Variants in PCDHGB5 observed in about 807,000 individuals in gnomAD.
The protein encoded by PCDHGB5 is protocadherin gamma-B5.
Under a neutral mutation model 62.9 loss-of-function variants are expected in PCDHGB5, and 48 were observed. That is an observed-to-expected ratio of 0.76 (90% CI 0.61 to 0.97). PCDHGB5 has a LOEUF of 0.97. Ranked by LOEUF, PCDHGB5 falls within the 50% of genes least tolerant of loss-of-function variation. The pLI is 0.00. For missense variants in PCDHGB5, 1,118 were observed against 1,198.6 expected, an observed-to-expected ratio of 0.93 and a Z score of 0.99; for synonymous variants, 474 against 511.2, an observed-to-expected ratio of 0.93 and a Z score of 0.98.
At chr5:141,504,980 G>A (rs113323355) in intron 2 of PCDHGB5, among the ~76,000 whole-genome samples, 174 of 152,196 alleles carry the variant, frequency 1.1e-3, no homozygotes, top group African/African-American at 3.9e-3. Context: ...TGGCCAACAT[G>A]GTGAAACCCC....
intron 1 of PCDHGB5, chr5:141,427,703 C>T (rs529490424): frequency 1.0e-6 from 1 of 957,508 alleles, no homozygotes. Flanking sequence ...CACAAGTCAG[C>T]GCCTCTGACC....
chr5:141,506,380 T>C (rs1209879935), intron 3 of PCDHGB5, among the ~76,000 whole-genome samples: 1 of 141,314 alleles, frequency 7.1e-6, no homozygotes, highest in Non-Finnish European at 1.5e-5. Flanking sequence ...ACCTGGGAGG[T>C]GGCTGTGGTG....
chr5:141,405,444 G>A, intron 1 of PCDHGB5: 1 of 1,379,466 alleles, frequency 7.2e-7, no homozygotes, highest in South Asian at 1.3e-5. Flanking sequence ...TTTTGAGACA[G>A]AGTCTTACTC....
chr5:141,422,541 T>C (rs1389095817), intron 1 of PCDHGB5: 1 of 1,613,992 alleles, frequency 6.2e-7, no homozygotes. Context: ...CAGAAACTCA[T>C]GTCTGGCTGA....
rs748464990 is a variant in PCDHGB5, at chr5:141,400,483, C to G, written c.2356C>G (p.Pro786Ala). The change falls in exon 1 of 4, where the codon CCA becomes GCA. Residue 786 changes from proline (P) to alanine (A), a missense_variant. This residue lies in a region of PCDHGB5 where 1,034 missense variants were observed against 1,029.1 expected (regional missense o/e 1.00). Coordinates refer to ENST00000617380, the MANE Select transcript of PCDHGB5 (RefSeq NM_018925.3). ...LCGDSSGALF[P>A]LCNSSESTSH... ...TGGTGATTCATCTGGGGCCTTATTT[C>G]CACTTTGTAATTCCAGCGAGTCGAC... The G allele has an allele frequency of 1.4e-5, 22 of 1,613,902 alleles. No homozygotes were observed. Among genetic ancestry groups the G allele is most frequent in the Non-Finnish European group, 1.7e-5 (20 of 1,179,872 alleles).
intron 2 of PCDHGB5, among the ~76,000 whole-genome samples, chr5:141,500,892 G>GAT (rs1036007799): frequency 1.1e-5 from 1 of 88,010 alleles, no homozygotes; most frequent in African/African-American, 7.1e-5. Flanking sequence ...TTTTTTTTGA[G>GAT]ACAGTCTCGC....
In PCDHGB5 at chr5:141,398,254, A is replaced by G. The variant is rs868152545; in HGVS notation, c.127A>G (p.Lys43Glu). 5.5e-6 allele frequency: 8 copies of G among 1,465,970 alleles called. No homozygotes were observed. In the African/African-American group the frequency reaches 8.6e-5, roughly 16 times the overall value. The allele number at this position is 1,465,970 out of a possible 1,614,324, so 90.8% of individuals were successfully genotyped here. The change falls in exon 1 of 4, where the codon AAG (lysine) becomes GAG (glutamate). Residue 43 changes from lysine to glutamate, a missense_variant. Lys to Glu is a moderately conservative substitution (Grantham distance 56). Around this residue, in one of 2 missense-constraint regions of PCDHGB5, gnomAD observed 84 missense variants for 169.5 expected, o/e 0.50. Transcript: ENST00000617380. ...CTACAGGATTCCCGAGGAAATGCCC[A>G]AGGGCTCCGTAGTGGGGAACCTCGC... is the stretch of plus-strand genomic sequence containing the variant. ...IRYRIPEEMP[K>E]GSVVGNLATD...
intron 1 of PCDHGB5, chr5:141,419,413 C>A (rs568417008): frequency 6.2e-7 from 1 of 1,613,444 alleles, no homozygotes; most frequent in South Asian, 1.1e-5. Flanking sequence ...TCGCGCAGCG[C>A]GCCTTCGACC....
At chr5:141,497,553 T>C (rs2099777684) in intron 2 of PCDHGB5, among the ~76,000 whole-genome samples, 1 of 151,326 alleles carries the variant, frequency 6.6e-6, no homozygotes, top group South Asian at 2.1e-4. Context: ...TTTTTTTTTT[T>C]TTTTTAGACA....
At position 141,494,730 on chromosome 5, in the gene PCDHGB5, G is replaced by A. The variant is rs1595262506; in HGVS notation, c.2398-77G>A. 18 of 1,609,816 alleles carry A rather than the reference G, an allele frequency of 1.1e-5. No individual in the cohort carries two copies. In the East Asian group the frequency reaches 4.0e-4, roughly 36 times the overall value. On this transcript the variant is annotated intron_variant, in intron 1 of 3. Coordinates refer to ENST00000617380, the MANE Select transcript of PCDHGB5 (RefSeq NM_018925.3). ...GTGCCCACTCCCCTCCTTCTCTCCC[G>A]GCCCATCCCTAGGGGCTCGGGTGAC...
intron 2 of PCDHGB5, among the ~76,000 whole-genome samples, chr5:141,500,310 G>A (rs1327269551): frequency 6.6e-6 from 1 of 151,740 alleles, no homozygotes; most frequent in Non-Finnish European, 1.5e-5. Flanking sequence ...CCAGGTTCAC[G>A]CCATGCTCCT....
At chr5:141,451,892 A>C (rs1215224398) in intron 1 of PCDHGB5, among the ~76,000 whole-genome samples, 2 of 152,114 alleles carry the variant, frequency 1.3e-5, no homozygotes, top group Non-Finnish European at 2.9e-5. Context: ...AAAGAAAGGA[A>C]GGAACAAGGG....
At chr5:141,503,133 C>A (rs1164077875) in intron 2 of PCDHGB5, among the ~76,000 whole-genome samples, 1 of 152,002 alleles carries the variant, frequency 6.6e-6, no homozygotes, top group Non-Finnish European at 1.5e-5. Context: ...CTGGTAGCCC[C>A]TGACACAGCC....
At chr5:141,479,189 G>A (rs1466742057) in intron 1 of PCDHGB5, 3 of 152,358 alleles carry the variant, frequency 2.0e-5, no homozygotes, top group African/African-American at 7.2e-5. Flanking sequence ...AGAAAATTCA[G>A]AAAATACAGA....
intron 1 of PCDHGB5, among the ~76,000 whole-genome samples, chr5:141,492,593 A>T (rs907659087): frequency 1.3e-5 from 2 of 152,100 alleles, no homozygotes; most frequent in African/African-American, 4.8e-5. Context: ...GGAGCGCTGG[A>T]GCGACTGCCG....
chr5:141,422,431 T>G, intron 1 of PCDHGB5: 1 of 1,608,846 alleles, frequency 6.2e-7, no homozygotes, highest in Non-Finnish European at 8.5e-7. Flanking sequence ...TTATGGAAAT[T>G]ATTACAAATT....
At position 141,432,297 on chromosome 5, in the gene PCDHGB5, T is replaced by C. The variant is rs1339659774; in HGVS notation, c.2397+31773T>C. 3.1e-6 allele frequency: 5 copies of C among 1,614,040 alleles called. No individual in the cohort carries two copies. The highest frequency in any genetic ancestry group is 1.7e-5 in the Admixed American group (1 of 60,006). ...GTGTCCATCAACTCCGACACTGGGG[T>C]ACTGTATGCGCTGAGCTCCTTCGAC... On this transcript the variant is annotated intron_variant, in intron 1 of 3. Transcript: ENST00000617380. This position sits in a 1 kb window ranked among gnomAD's most constrained non-coding sequence, Gnocchi z 6.0.
rs745989563 is a variant in PCDHGB5, at chr5:141,490,728, T to G, written c.2398-4079T>G. The G allele has an allele frequency of 6.2e-7, 1 of 1,614,148 alleles. No individual in the cohort carries two copies. Among genetic ancestry groups the G allele is most frequent in the East Asian group, 2.2e-5 (1 of 44,882 alleles). ...GCCTCACCTACTCCATTGTAGGAAA[T>G]CAGGTTCAGGGAGCCCCAGCCTCCT... On this transcript the variant is annotated intron_variant, in intron 1 of 3. Transcript: ENST00000617380. The surrounding 1 kb of genome is among the most constrained non-coding windows in gnomAD (Gnocchi z 5.4).
intron 1 of PCDHGB5, among the ~76,000 whole-genome samples, chr5:141,401,643 A>G (rs973841801): frequency 6.6e-6 from 1 of 152,262 alleles, no homozygotes; most frequent in African/African-American, 2.4e-5. Context: ...AGCTTTAAAT[A>G]TAAATGACTG....
Sources: allele counts gnomAD v4.1 joint callset (sites outside exome capture counted in the v4.1 genomes callset), GRCh38; gene constraint gnomAD v4.1.1; regional missense constraint gnomAD v4.1.1; non-coding constraint Gnocchi (gnomAD v3.1); transcripts MANE v1.5; gene names NCBI Gene and HGNC (gene_info 2026-07-23, HGNC 2026-07-21).